The following TENM3 variants were observed in gnomAD, a reference collection of about 807,000 sequenced individuals.
TENM3 encodes teneurin-3.
In TENM3, 63 loss-of-function variants were observed where a neutral mutation model predicts 255.1. That is an observed-to-expected ratio of 0.25 (90% CI 0.20 to 0.30). TENM3 has a LOEUF of 0.30. TENM3 is among the 10% of genes least tolerant of loss of function. The pLI is 1.00. For missense variants in TENM3, 2,929 were observed against 3,461.1 expected, an observed-to-expected ratio of 0.85 and a Z score of 3.86; for synonymous variants, 1,306 against 1,322.3, an observed-to-expected ratio of 0.99 and a Z score of 0.27.
chr4:182,173,713 G>T (rs1394052947), intron 1 of TENM3, among the ~76,000 whole-genome samples: 2 of 152,186 alleles, frequency 1.3e-5, no homozygotes, highest in Admixed American at 1.3e-4. Context: ...TGACACTGGG[G>T]TTGGAAATGA....
In TENM3 at chr4:182,727,864, CTT is replaced by C. The variant is rs35226237; in HGVS notation, c.2369-1086_2369-1085del. On this transcript the variant is annotated intron_variant, in intron 13 of 27. Transcript: ENST00000511685. ...ACACACTTAACCTTCCTTAGAAGAA[CTT>C]TTTTTTTTTTTTTTGAGACAGTTTT... Among the ~76,000 whole-genome samples the C allele has an allele frequency of 7.7e-3, 1,089 of 140,728 alleles. 10 individuals are homozygous for C. The highest frequency in any genetic ancestry group is 0.027 in the African/African-American group (1,039 of 38,000). The allele number at this position is 140,728 out of a possible 152,430, so 92.3% of individuals were successfully genotyped here.
chr4:182,199,216 A>G (rs936591388), intron 1 of TENM3, among the ~76,000 whole-genome samples: 3 of 152,100 alleles, frequency 2.0e-5, no homozygotes, highest in Middle Eastern at 3.4e-3. Flanking sequence ...ATAACCCCAG[A>G]ACTTTGGGAG....
At chr4:182,586,496 A>G (rs1245670780) in intron 3 of TENM3, among the ~76,000 whole-genome samples, 1 of 152,192 alleles carries the variant, frequency 6.6e-6, no homozygotes, top group Non-Finnish European at 1.5e-5. Context: ...AGTGTTGTAT[A>G]CACACAAAAA....
chr4:181,699,953 G>A, the TENM3 span, among the ~76,000 whole-genome samples: 1 of 152,126 alleles, frequency 6.6e-6, no homozygotes, highest in Non-Finnish European at 1.5e-5. Context: ...CATTCCTAAT[G>A]AGGTAGGCCT....
At chr4:181,880,459 A>G in the TENM3 span, among the ~76,000 whole-genome samples, 13 of 152,234 alleles carry the variant, frequency 8.5e-5, no homozygotes, top group African/African-American at 3.1e-4. Flanking sequence ...GGTTTAAAAA[A>G]GACATAGAGG....
intron 3 of TENM3, among the ~76,000 whole-genome samples, chr4:182,388,702 T>C (rs1220282706): frequency 6.6e-6 from 1 of 152,214 alleles, no homozygotes; most frequent in Middle Eastern, 3.2e-3. Flanking sequence ...AATTTGCTAT[T>C]GCTTTTGTGT....
chr4:181,859,450 A>G, the TENM3 span, among the ~76,000 whole-genome samples: 2 of 152,112 alleles, frequency 1.3e-5, no homozygotes, highest in Admixed American at 1.3e-4. Context: ...AAACAGCAAA[A>G]AAGTAGGAAA....
intron 3 of TENM3, among the ~76,000 whole-genome samples, chr4:182,538,526 C>T (rs975820342): frequency 1.3e-5 from 2 of 152,146 alleles, no homozygotes; most frequent in Admixed American, 6.5e-5. Flanking sequence ...ATGATTGTTG[C>T]TGGAACACAG....
At chr4:182,277,364 T>A (rs1462168082) in intron 1 of TENM3, among the ~76,000 whole-genome samples, 1 of 152,084 alleles carries the variant, frequency 6.6e-6, no homozygotes, top group East Asian at 1.9e-4. Flanking sequence ...GGGTTGTTGT[T>A]TTTTTAATTT....
intron 4 of TENM3, among the ~76,000 whole-genome samples, chr4:182,601,750 A>T (rs898251507): frequency 6.6e-6 from 1 of 152,202 alleles, no homozygotes; most frequent in Non-Finnish European, 1.5e-5. Flanking sequence ...ACACAGTTCT[A>T]TTAGGAAGTT....
chr4:182,519,081 G>A (rs1208206802), intron 3 of TENM3, among the ~76,000 whole-genome samples: 1 of 151,988 alleles, frequency 6.6e-6, no homozygotes, highest in Non-Finnish European at 1.5e-5. Flanking sequence ...AGCCAATGTA[G>A]CCATCAAGCA....
chr4:182,601,855 T>A (rs1404771430), intron 4 of TENM3, among the ~76,000 whole-genome samples: 1 of 152,238 alleles, frequency 6.6e-6, no homozygotes, highest in African/African-American at 2.4e-5. Flanking sequence ...AAAACAATTT[T>A]GCCCTGATTC....
At chr4:182,220,829 T>C (rs1755810230) in intron 1 of TENM3, among the ~76,000 whole-genome samples, 1 of 152,196 alleles carries the variant, frequency 6.6e-6, no homozygotes, top group South Asian at 2.1e-4. Flanking sequence ...TAATCCTGTG[T>C]AATATTAAAT....
chr4:181,699,475 AAGAAAG>A, the TENM3 span, among the ~76,000 whole-genome samples: 21 of 144,196 alleles, frequency 1.5e-4, no homozygotes, highest in African/African-American at 5.3e-4. Context: ...AAAAAAAAGA[AAGAAAG>A]AAAAAGAAAA....
chr4:182,422,732 T>A (rs1216073818), intron 3 of TENM3, among the ~76,000 whole-genome samples: 3 of 152,122 alleles, frequency 2.0e-5, no homozygotes, highest in African/African-American at 7.2e-5. Context: ...TTTAAAAACT[T>A]TTTTTTACTG....
intron 3 of TENM3, among the ~76,000 whole-genome samples, chr4:182,507,173 A>G (rs1018389833): frequency 8.5e-5 from 13 of 152,204 alleles, no homozygotes; most frequent in African/African-American, 3.1e-4. Flanking sequence ...CTAAAATTAG[A>G]TGAAGTAAAA....
the TENM3 span, among the ~76,000 whole-genome samples, chr4:181,881,347 G>A: frequency 2.6e-5 from 4 of 151,992 alleles, no homozygotes; most frequent in South Asian, 2.1e-4. Context: ...TAATTCACAA[G>A]GACAAGTTAA....
chr4:181,840,435 G>C, the TENM3 span, among the ~76,000 whole-genome samples: 2 of 152,092 alleles, frequency 1.3e-5, no homozygotes, highest in Admixed American at 6.6e-5. Context: ...TTTCTCAGGA[G>C]TGAGTGTATT....
chr4:181,726,786 C>A, the TENM3 span, among the ~76,000 whole-genome samples: 8 of 152,140 alleles, frequency 5.3e-5, no homozygotes, highest in Admixed American at 5.2e-4. Context: ...AGATCACCCC[C>A]CACTTCCAAA....
Sources: allele counts gnomAD v4.1 joint callset (sites outside exome capture counted in the v4.1 genomes callset), GRCh38; gene constraint gnomAD v4.1.1; transcripts MANE v1.5; gene names NCBI Gene and HGNC (gene_info 2026-07-23, HGNC 2026-07-21).